The following ZHX2 variants were observed in gnomAD, a reference collection of about 807,000 sequenced individuals.
The protein encoded by ZHX2 is zinc fingers and homeoboxes protein 2.
ZHX2 carries 6 observed loss-of-function variants against 21.9 expected under a neutral mutation model. That is an observed-to-expected ratio of 0.27 (90% confidence interval 0.15 to 0.54). The LOEUF (loss-of-function observed/expected upper bound fraction) is 0.54, where lower values mean the gene tolerates loss of function less well. ZHX2 is among the 20% of genes least tolerant of loss of function. ZHX2 has a pLI of 0.95. For missense variants in ZHX2, 908 were observed against 1,090.7 expected, an observed-to-expected ratio of 0.83 and a Z score of 2.36; for synonymous variants, 434 against 437.1, an observed-to-expected ratio of 0.99 and a Z score of 0.09.
intron 2 of ZHX2, among the ~76,000 whole-genome samples, chr8:122,920,058 G>A (rs540961649): frequency 1.1e-4 from 16 of 152,290 alleles, no homozygotes; most frequent in African/African-American, 3.8e-4. Flanking sequence ...CGGGTCATCT[G>A]AGGTCAGGAG....
At chr8:122,805,470 A>G (rs1158658726) in intron 1 of ZHX2, among the ~76,000 whole-genome samples, 1 of 152,170 alleles carries the variant, frequency 6.6e-6, no homozygotes, top group African/African-American at 2.4e-5. Context: ...AGTAAGGCCA[A>G]TGTGCACTGA....
chr8:122,828,052 T>G lies in ZHX2; in HGVS notation c.-282-35425T>G, dbSNP rs954629257. ...TCACTTGAGCCCAGAAGGTTGAGGT[T>G]GGAGTGAGCCATGATCTCTCCACTG... is the stretch of plus-strand genomic sequence containing the variant. On this transcript the variant is annotated intron_variant, in intron 1 of 3. Transcript: ENST00000314393. The surrounding 1 kb of genome is among the most constrained non-coding windows in gnomAD (Gnocchi z 5.2). Among the ~76,000 whole-genome samples, 1 of 152,132 alleles carries G rather than the reference T, an allele frequency of 6.6e-6. No homozygotes were observed. Among genetic ancestry groups the G allele is most frequent in the Non-Finnish European group, 1.5e-5 (1 of 68,018 alleles).
At chr8:122,934,900 C>T (rs1435957053) in intron 2 of ZHX2, among the ~76,000 whole-genome samples, 1 of 152,136 alleles carries the variant, frequency 6.6e-6, no homozygotes, top group African/African-American at 2.4e-5. Context: ...ATTGGCCAGG[C>T]TAGTCTTGAA....
intron 2 of ZHX2, among the ~76,000 whole-genome samples, chr8:122,895,884 A>G (rs1820087519): frequency 6.6e-6 from 1 of 152,132 alleles, no homozygotes; most frequent in Non-Finnish European, 1.5e-5. Context: ...GACCCTTCCC[A>G]AAGAATAAGC....
Position 122,953,554 on chromosome 8 carries a change from T to C in ZHX2, c.2044T>C (p.Leu682=), listed in dbSNP as rs73335725. ...IVRWFKENRC[L]LKTGTVKWME... ...GCGTTGGTTCAAGGAGAACAGATGC[T>C]TGCTGAAAACGGGAACCGTGAAGTG... The change falls in exon 3 of 4, where the codon TTG becomes CTG. Residue 682 remains leucine (L), a synonymous_variant. Transcript: ENST00000314393. The surrounding 1 kb of genome is among the most constrained non-coding windows in gnomAD (Gnocchi z 4.6). 9.0e-4 allele frequency: 1,454 copies of C among 1,614,224 alleles called. 7 individuals carry two copies. In the African/African-American group the frequency reaches 0.016, roughly 18 times the overall value.
At chr8:122,907,364 G>T (rs573341418) in intron 2 of ZHX2, among the ~76,000 whole-genome samples, 25 of 152,152 alleles carry the variant, frequency 1.6e-4, no homozygotes, top group Non-Finnish European at 2.9e-4. Flanking sequence ...ACTCCAAGCG[G>T]GAGGGAGCAT....
At chr8:122,813,196 CAAA>C (rs35396999) in intron 1 of ZHX2, among the ~76,000 whole-genome samples, 10 of 96,434 alleles carry the variant, frequency 1.0e-4, no homozygotes, top group African/African-American at 1.2e-4. Flanking sequence ...AACTCTGTCT[CAAA>C]AAAAAAAAAA....
intron 1 of ZHX2, among the ~76,000 whole-genome samples, chr8:122,797,622 G>A (rs560060318): frequency 6.6e-5 from 7 of 105,846 alleles, no homozygotes; most frequent in African/African-American, 9.5e-5. Flanking sequence ...CTGACACTTA[G>A]TCAGCGCCGT....
rs147143516 is a variant in ZHX2 at position 122,879,113 on chromosome 8, C to T, written c.-220+15574C>T. On this transcript the variant is annotated intron_variant, in intron 2 of 3. Transcript: ENST00000314393. ...AACTCAAGGTTAGCCTCGTGCCTCT[C>T]GGCAGAATCTGTTACTCAAGGATTC... Among the ~76,000 whole-genome samples the T allele has an allele frequency of 1.3e-4, 20 of 152,316 alleles. No homozygotes were observed. In the East Asian group the frequency reaches 3.7e-3, roughly 28 times the overall value.
At chr8:122,931,489 G>T (rs56358296) in intron 2 of ZHX2, among the ~76,000 whole-genome samples, 2 of 152,132 alleles carry the variant, frequency 1.3e-5, no homozygotes, top group Admixed American at 1.3e-4. Flanking sequence ...GAAATAAAAA[G>T]AAAAATATTT....
intron 2 of ZHX2, among the ~76,000 whole-genome samples, chr8:122,944,664 G>T (rs1812925433): frequency 6.6e-6 from 1 of 152,122 alleles, no homozygotes; most frequent in South Asian, 2.1e-4. Flanking sequence ...TGTATCTTCG[G>T]CAACTAGAAC....
intron 1 of ZHX2, among the ~76,000 whole-genome samples, chr8:122,794,327 A>G (rs1817580721): frequency 6.6e-6 from 1 of 151,142 alleles, no homozygotes; most frequent in East Asian, 1.9e-4. Flanking sequence ...GAAGGAATAC[A>G]TGTTGTGTCA....
chr8:122,804,351 C>T (rs1442355242), intron 1 of ZHX2, among the ~76,000 whole-genome samples: 2 of 152,156 alleles, frequency 1.3e-5, no homozygotes, highest in African/African-American at 4.8e-5. Context: ...TCAAATGATC[C>T]ACCCACCTCG....
intron 3 of ZHX2, among the ~76,000 whole-genome samples, chr8:122,968,633 G>A (rs558383938): frequency 6.6e-6 from 1 of 152,194 alleles, no homozygotes; most frequent in South Asian, 2.1e-4. Flanking sequence ...GAGGTCACAA[G>A]TTCAAGACCA....
chr8:122,925,957 G>A (rs1336426435), intron 2 of ZHX2, among the ~76,000 whole-genome samples: 1 of 152,102 alleles, frequency 6.6e-6, no homozygotes. Context: ...CACAGAAATG[G>A]ACTTTCTGGT....
intron 1 of ZHX2, among the ~76,000 whole-genome samples, chr8:122,851,095 C>A (rs969094491): frequency 6.6e-6 from 1 of 152,198 alleles, no homozygotes; most frequent in Non-Finnish European, 1.5e-5. Flanking sequence ...GGGTGCCATT[C>A]ACACCCACCA....
rs371468984 is a variant in ZHX2 at position 122,871,302 on chromosome 8, G to T, written c.-220+7763G>T. On this transcript the variant is annotated intron_variant, in intron 2 of 3. Transcript: ENST00000314393. The stretch of plus-strand genomic sequence containing the variant: ...CCAAATGTCCATCAATGATAGACTG[G>T]ATTAAGAAAACGTGGCACATATACA... 3.3e-5 allele frequency among the ~76,000 whole-genome samples: 5 copies of T among 151,876 alleles called. No homozygotes were observed. In the South Asian group the frequency reaches 8.3e-4, roughly 25 times the overall value.
At chr8:122,926,477 C>G (rs1174937899) in intron 2 of ZHX2, among the ~76,000 whole-genome samples, 1 of 152,206 alleles carries the variant, frequency 6.6e-6, no homozygotes, top group Non-Finnish European at 1.5e-5. Flanking sequence ...TTTCACCGTT[C>G]TGTCAAGCCA....
At chr8:122,833,787 G>A (rs1369780312) in intron 1 of ZHX2, among the ~76,000 whole-genome samples, 2 of 152,156 alleles carry the variant, frequency 1.3e-5, no homozygotes, top group East Asian at 3.9e-4. Flanking sequence ...ACGAGGTCAG[G>A]AGATCGAGAC....
Sources: allele counts gnomAD v4.1 joint callset (sites outside exome capture counted in the v4.1 genomes callset), GRCh38; gene constraint gnomAD v4.1.1; non-coding constraint Gnocchi (gnomAD v3.1); transcripts MANE v1.5; gene names NCBI Gene and HGNC (gene_info 2026-07-23, HGNC 2026-07-21).